PPP3CA: variants seen among roughly 807,000 people sequenced by gnomAD.
PPP3CA encodes CAM-PRP catalytic subunit.
In PPP3CA, 14 loss-of-function variants were observed where a neutral mutation model predicts 66.5. That is an observed-to-expected ratio of 0.21 (90% CI 0.14 to 0.33). The LOEUF (loss-of-function observed/expected upper bound fraction) is 0.33, where lower values mean the gene tolerates loss of function less well. Among genes scored for constraint, PPP3CA ranks in the 10% least tolerant of loss-of-function variants. PPP3CA has a pLI of 1.00. For missense variants in PPP3CA, 317 were observed against 639.5 expected, an observed-to-expected ratio of 0.50 and a Z score of 5.44; for synonymous variants, 232 against 226.2, an observed-to-expected ratio of 1.03 and a Z score of -0.23.
chr4:101,194,797 T>A (rs1724733338), intron 2 of PPP3CA, among the ~76,000 whole-genome samples: 1 of 151,898 alleles, frequency 6.6e-6, no homozygotes, highest in Admixed American at 6.6e-5. Context: ...AAACTCCTGA[T>A]CTCAAGTAAT....
At chr4:101,220,733 C>G (rs1429945493) in intron 1 of PPP3CA, among the ~76,000 whole-genome samples, 1 of 151,572 alleles carries the variant, frequency 6.6e-6, no homozygotes. Flanking sequence ...TACACATTCT[C>G]TATCAATAAC....
chr4:101,242,469 G>A (rs1382812817), intron 1 of PPP3CA, among the ~76,000 whole-genome samples: 3 of 151,976 alleles, frequency 2.0e-5, no homozygotes, highest in Non-Finnish European at 4.4e-5. Flanking sequence ...GGAGACAAGT[G>A]CCAGAGAATA....
intron 1 of PPP3CA, among the ~76,000 whole-genome samples, chr4:101,198,295 A>G (rs896106362): frequency 2.6e-5 from 4 of 152,076 alleles, no homozygotes; most frequent in African/African-American, 9.7e-5. Flanking sequence ...ACATTTCTTT[A>G]TGCAGGTCTT....
intron 1 of PPP3CA, among the ~76,000 whole-genome samples, chr4:101,308,421 A>C (rs1011367555): frequency 4.6e-5 from 7 of 152,118 alleles, no homozygotes; most frequent in Admixed American, 2.6e-4. Context: ...AGCATATAGA[A>C]TGTTCACAAA....
rs1267322099 is a variant in PPP3CA, at chr4:101,025,184, T to C, written c.*681A>G. The C allele has an allele frequency of 2.0e-5, 3 of 152,442 alleles. No homozygotes were observed. Among genetic ancestry groups the C allele is most frequent in the African/African-American group, 7.2e-5 (3 of 41,410 alleles). The allele number at this position is 152,442 out of a possible 1,614,324, so 9.4% of individuals were successfully genotyped here. On this transcript the variant is annotated 3_prime_UTR_variant, in exon 14 of 14. Coordinates refer to ENST00000394854, the MANE Select transcript of PPP3CA (RefSeq NM_000944.5). ...CGAATTAAGAAGAAGATAAGTGTTA[T>C]ATGGAAAGAAGGGCATTCAAGCACA...
In PPP3CA at chr4:101,310,807, C is replaced by G. The variant is rs578036709; in HGVS notation, c.58+35932G>C. On this transcript the variant is annotated intron_variant, in intron 1 of 13. Transcript: ENST00000394854. ...CAATGAAAGCACAAACATTTTTGAG[C>G]AAAGGATCTTATTCAAATTAAATAA... Among the ~76,000 whole-genome samples, 272 of 152,206 alleles carry G rather than the reference C, an allele frequency of 1.8e-3. 1 individual carries two copies. Among genetic ancestry groups the G allele is most frequent in the Non-Finnish European group, 3.4e-3 (231 of 67,994 alleles).
At chr4:101,091,873 G>A (rs868500165) in intron 6 of PPP3CA, among the ~76,000 whole-genome samples, 82 of 128,638 alleles carry the variant, frequency 6.4e-4, no homozygotes, top group African/African-American at 1.9e-3. Context: ...ATGAAGAAGA[G>A]GAGGAGGAGG....
intron 1 of PPP3CA, among the ~76,000 whole-genome samples, chr4:101,304,219 T>A (rs1578648280): frequency 6.6e-6 from 1 of 152,174 alleles, no homozygotes; most frequent in African/African-American, 2.4e-5. Flanking sequence ...TACTTTTTAT[T>A]TAAATTGTTT....
chr4:101,123,855 A>G lies in PPP3CA; in HGVS notation c.260-14777T>C, dbSNP rs114088307. Among the ~76,000 whole-genome samples, 927 of 152,330 alleles carry G rather than the reference A, an allele frequency of 6.1e-3. 14 individuals are homozygous for G. Among genetic ancestry groups the G allele is most frequent in the African/African-American group, 0.021 (874 of 41,576 alleles). ...AAGCCTCAAGTTCTTAAGAATAAGG[A>G]CAATATCATCTCCCATACAAAGTGG... On this transcript the variant is annotated intron_variant, in intron 2 of 13. Coordinates refer to ENST00000394854, the MANE Select transcript of PPP3CA (RefSeq NM_000944.5).
intron 1 of PPP3CA, among the ~76,000 whole-genome samples, chr4:101,249,756 T>C (rs190613809): frequency 5.9e-5 from 9 of 152,270 alleles, no homozygotes; most frequent in Admixed American, 3.9e-4. Context: ...CATTATATTA[T>C]CAATCTCAGT....
chr4:101,281,645 A>C (rs1457513532), intron 1 of PPP3CA, among the ~76,000 whole-genome samples: 1 of 152,236 alleles, frequency 6.6e-6, no homozygotes, highest in Non-Finnish European at 1.5e-5. Flanking sequence ...GATGGTTTTT[A>C]AGTCAATCAA....
At chr4:101,223,028 G>T (rs527262403) in intron 1 of PPP3CA, among the ~76,000 whole-genome samples, 2 of 151,814 alleles carry the variant, frequency 1.3e-5, no homozygotes, top group Non-Finnish European at 3.0e-5. Flanking sequence ...ATAAATTACA[G>T]AAGTCATTGT....
chr4:101,132,654 G>A (rs956259569), intron 2 of PPP3CA, among the ~76,000 whole-genome samples: 9 of 152,074 alleles, frequency 5.9e-5, no homozygotes, highest in Non-Finnish European at 1.2e-4. Context: ...ATTCACAGCC[G>A]AATTCTACCA....
At chr4:101,325,244 A>AT (rs1420466704) in intron 1 of PPP3CA, among the ~76,000 whole-genome samples, 3 of 152,214 alleles carry the variant, frequency 2.0e-5, no homozygotes, top group African/African-American at 7.2e-5. Flanking sequence ...TTTAATATAC[A>AT]TATAAATCAC....
chr4:101,245,976 C>G (rs1458170017), intron 1 of PPP3CA, among the ~76,000 whole-genome samples: 2 of 152,100 alleles, frequency 1.3e-5, no homozygotes, highest in Non-Finnish European at 1.5e-5. Flanking sequence ...AACCCAGTTG[C>G]TCATGTTGTC....
At chr4:101,075,734 C>G (rs1729158107) in intron 8 of PPP3CA, among the ~76,000 whole-genome samples, 1 of 152,198 alleles carries the variant, frequency 6.6e-6, no homozygotes, top group South Asian at 2.1e-4. Flanking sequence ...AGATTTTACT[C>G]TCACTGATTG....
chr4:101,055,640 AATC>A (rs1578407495), intron 10 of PPP3CA, among the ~76,000 whole-genome samples: 1 of 152,168 alleles, frequency 6.6e-6, no homozygotes. Flanking sequence ...ACGAAGAGAG[AATC>A]ATGACATGGT....
chr4:101,185,844 G>A (rs979275588), intron 2 of PPP3CA, among the ~76,000 whole-genome samples: 4 of 152,180 alleles, frequency 2.6e-5, no homozygotes, highest in African/African-American at 9.6e-5. Flanking sequence ...GACAGCCTAA[G>A]TCTATGACCC....
intron 1 of PPP3CA, among the ~76,000 whole-genome samples, chr4:101,280,152 T>G (rs907617450): frequency 4.6e-5 from 7 of 152,182 alleles, no homozygotes; most frequent in Non-Finnish European, 7.4e-5. Context: ...ATTCTTGGAA[T>G]GTAAAGCAAT....
Sources: allele counts gnomAD v4.1 joint callset (sites outside exome capture counted in the v4.1 genomes callset), GRCh38; gene constraint gnomAD v4.1.1; transcripts MANE v1.5; gene names NCBI Gene and HGNC (gene_info 2026-07-23, HGNC 2026-07-21).